Variants in PPM1H observed in about 807,000 individuals in gnomAD.
PPM1H encodes protein phosphatase 1H.
Under a neutral mutation model 54.9 loss-of-function variants are expected in PPM1H, and 27 were observed. The observed-to-expected ratio is 0.49, with a 90% CI of 0.36 to 0.68. PPM1H has a LOEUF of 0.68. Ranked by LOEUF, PPM1H falls within the 30% of genes least tolerant of loss-of-function variation. PPM1H has a pLI of 0.00. For missense variants in PPM1H, 596 were observed against 667.8 expected, an observed-to-expected ratio of 0.89 and a Z score of 1.19; for synonymous variants, 305 against 270.8, an observed-to-expected ratio of 1.13 and a Z score of -1.24.
At chr12:62,762,570 G>A (rs2076515813) in intron 4 of PPM1H, among the ~76,000 whole-genome samples, 1 of 152,224 alleles carries the variant, frequency 6.6e-6, no homozygotes, top group South Asian at 2.1e-4. Context: ...AAGAAATGAG[G>A]GTTGCCATGT....
chr12:62,866,443 G>A (rs771916879), intron 1 of PPM1H, among the ~76,000 whole-genome samples: 7 of 152,182 alleles, frequency 4.6e-5, no homozygotes, highest in Non-Finnish European at 1.0e-4. Flanking sequence ...AAATATGGTG[G>A]CAGGAAGAGT....
chr12:62,918,470 A>T (rs989063611), intron 1 of PPM1H, among the ~76,000 whole-genome samples: 1 of 152,252 alleles, frequency 6.6e-6, no homozygotes, highest in Non-Finnish European at 1.5e-5. Context: ...TGTCCAGCTC[A>T]CCAAAACACT....
At chr12:62,885,970 C>T (rs808868) in intron 1 of PPM1H, among the ~76,000 whole-genome samples, 64,151 of 151,982 alleles carry the variant, frequency 0.42, 14,106 homozygotes, top group East Asian at 0.58. Flanking sequence ...GTGAGATAAG[C>T]CTTACAGAAC....
intron 2 of PPM1H, among the ~76,000 whole-genome samples, chr12:62,825,315 G>T (rs553814447): frequency 6.6e-6 from 1 of 152,234 alleles, no homozygotes; most frequent in Non-Finnish European, 1.5e-5. Context: ...CATTGTGGAA[G>T]ACAGTGTGGT....
chr12:62,855,466 G>T (rs551775027), intron 1 of PPM1H, among the ~76,000 whole-genome samples: 1 of 152,270 alleles, frequency 6.6e-6, no homozygotes, highest in African/African-American at 2.4e-5. Context: ...ATGGAATGAA[G>T]CCCAAGAGTC....
intron 1 of PPM1H, among the ~76,000 whole-genome samples, chr12:62,895,656 G>C (rs1286536149): frequency 6.6e-6 from 1 of 152,156 alleles, no homozygotes; most frequent in East Asian, 1.9e-4. Context: ...ATTCTCAAGG[G>C]AGTGAGTGAC....
At chr12:62,909,754 A>G (rs1351883983) in intron 1 of PPM1H, among the ~76,000 whole-genome samples, 1 of 152,048 alleles carries the variant, frequency 6.6e-6, no homozygotes, top group African/African-American at 2.4e-5. Flanking sequence ...TGCTTCACCC[A>G]CTAGAATAGA....
At chr12:62,681,635 C>G (rs934643135) in intron 8 of PPM1H, among the ~76,000 whole-genome samples, 1 of 152,166 alleles carries the variant, frequency 6.6e-6, no homozygotes. Context: ...AGAAATTGTC[C>G]TATCTCTTTT....
At chr12:62,906,750 C>T (rs1871313845) in intron 1 of PPM1H, among the ~76,000 whole-genome samples, 1 of 152,164 alleles carries the variant, frequency 6.6e-6, no homozygotes, top group Admixed American at 6.5e-5. Context: ...AAAAATGCTA[C>T]ACAGTTGATA....
intron 9 of PPM1H, among the ~76,000 whole-genome samples, chr12:62,662,763 C>T (rs2075892129): frequency 6.6e-6 from 1 of 152,098 alleles, no homozygotes; most frequent in Admixed American, 6.5e-5. Flanking sequence ...CAACAATGTA[C>T]CTGCCATCTA....
In PPM1H at chr12:62,720,230, T is replaced by C. The variant is rs753762486; in HGVS notation, c.1014A>G (p.Arg338=). 17 of 1,613,710 alleles carry C rather than the reference T, an allele frequency of 1.1e-5. No individual in the cohort carries two copies. The East Asian group carries it at 3.6e-4, about 34-fold the overall frequency. Residue 338 remains arginine, a synonymous_variant, in exon 6 of 10, where the codon AGA becomes AGG. Transcript: ENST00000228705. ...NEFTHLEFPR[R]VQRKELGKKM... is the part of the protein sequence containing the mutation. ...TCTTTCCAAGCTCCTTTCTCTGTAC[T>C]CTCCTTGGAAACTCCAAATGTGTGA...
At chr12:62,854,744 T>C (rs1157445157) in intron 1 of PPM1H, among the ~76,000 whole-genome samples, 1 of 152,122 alleles carries the variant, frequency 6.6e-6, no homozygotes, top group Non-Finnish European at 1.5e-5. Context: ...AATATGCCTC[T>C]TAAATCATTT....
Position 62,934,818 on chromosome 12 carries a change from C to A in PPM1H, c.-82G>T. On this transcript the variant is annotated 5_prime_UTR_variant, in exon 1 of 10. Coordinates refer to ENST00000228705, the MANE Select transcript of PPM1H (RefSeq NM_020700.2). This position sits in a 1 kb window ranked among gnomAD's most constrained non-coding sequence, Gnocchi z 4.2. Reference sequence around the variant, plus strand: ...GGCGCAGCGCGGGGCATGCAGGCTGCGGTGGGCGCCGGGCGCACGGCGAGT... The same window carrying A: ...GGCGCAGCGCGGGGCATGCAGGCTGAGGTGGGCGCCGGGCGCACGGCGAGT... 3 of 1,243,756 alleles carry A rather than the reference C, an allele frequency of 2.4e-6. No individual in the cohort carries two copies. Among genetic ancestry groups the A allele is most frequent in the Non-Finnish European group, 3.0e-6 (3 of 985,528 alleles). 77.0% of individuals were successfully genotyped at this position (1,243,756 alleles called of 1,614,324 possible). A position where few individuals can be genotyped will look rare whatever the true frequency, so the allele number is the denominator to read the frequency against.
At chr12:62,777,290 G>C (rs527827170) in intron 4 of PPM1H, among the ~76,000 whole-genome samples, 4 of 152,288 alleles carry the variant, frequency 2.6e-5, no homozygotes, top group Admixed American at 1.3e-4. Flanking sequence ...TGTGTCTCCT[G>C]AAACACCTGC....
intron 9 of PPM1H, among the ~76,000 whole-genome samples, chr12:62,663,208 A>G (rs922978989): frequency 8.5e-5 from 13 of 152,158 alleles, no homozygotes; most frequent in African/African-American, 2.9e-4. Context: ...GAGTTCTTCT[A>G]GGAGAGTCGG....
intron 1 of PPM1H, among the ~76,000 whole-genome samples, chr12:62,834,746 T>C (rs1419653663): frequency 6.6e-6 from 1 of 152,142 alleles, no homozygotes; most frequent in East Asian, 1.9e-4. Context: ...GTACAGAACA[T>C]GCATTCGTCT....
At chr12:62,850,138 T>C (rs1869125420) in intron 1 of PPM1H, among the ~76,000 whole-genome samples, 1 of 151,904 alleles carries the variant, frequency 6.6e-6, no homozygotes, top group Non-Finnish European at 1.5e-5. Flanking sequence ...ATTTTTTTTC[T>C]ATACTTTTTG....
intron 9 of PPM1H, among the ~76,000 whole-genome samples, chr12:62,655,946 T>C (rs575371405): frequency 6.6e-6 from 1 of 152,326 alleles, no homozygotes; most frequent in South Asian, 2.1e-4. Flanking sequence ...GGGATCAGAC[T>C]TGGCAAACTC....
chr12:62,840,446 T>C (rs937316145), intron 1 of PPM1H, among the ~76,000 whole-genome samples: 1 of 152,168 alleles, frequency 6.6e-6, no homozygotes, highest in African/African-American at 2.4e-5. Context: ...TTGGCCCTTC[T>C]CACAAAAACT....
Sources: gnomAD v4.1 joint callset for allele counts (sites outside exome capture counted in the v4.1 genomes callset) on GRCh38, gnomAD v4.1.1 for gene constraint, Gnocchi (gnomAD v3.1) non-coding constraint, MANE v1.5 for transcripts, NCBI Gene and HGNC (gene_info 2026-07-23, HGNC 2026-07-21) for gene names.